The following RFC5 variants were observed in gnomAD, a reference collection of about 807,000 sequenced individuals.
RFC5 encodes the protein replication factor C subunit 5.
A neutral mutation model predicts 44.3 loss-of-function variants in RFC5; 26 were observed. That is an observed-to-expected ratio of 0.59 (90% CI 0.43 to 0.81). RFC5 has a LOEUF of 0.81. Among genes scored for constraint, RFC5 ranks in the 40% least tolerant of loss-of-function variants. RFC5 has a pLI of 0.00. For synonymous variants in RFC5, 155 were observed against 155.2 expected (o/e 1.00, Z 0.01); for missense variants, 328 against 418.6 (o/e 0.78, Z 1.89).
chr12:118,033,182 G>A (rs1285436650), downstream of RFC5: 1 of 152,176 alleles, frequency 6.6e-6, no homozygotes, highest in African/African-American at 2.4e-5. Context: ...CACTGAAGGA[G>A]AACAGTACTT....
intron 1 of RFC5, chr12:118,018,026 A>T (rs781468709): frequency 1.4e-6 from 1 of 701,754 alleles, no homozygotes; most frequent in South Asian, 1.5e-5. Context: ...CTTTCTATCT[A>T]TGGATTTGCC....
In RFC5 at chr12:118,022,805, A is replaced by C. The variant is rs5745829; in HGVS notation, c.421+446A>C. ...TTACAGGAGAATTAGGATGTGAGAT[A>C]TGGCTTGGCTTGTTTTCAGTTTTCA... is the stretch of plus-strand genomic sequence containing the variant. On this transcript the variant is annotated intron_variant, in intron 5 of 10. Coordinates refer to ENST00000454402, the MANE Select transcript of RFC5 (RefSeq NM_007370.7). 5.8e-4 allele frequency among the ~76,000 whole-genome samples: 89 copies of C among 152,250 alleles called. 1 individual carries two copies. The East Asian group carries it at 0.014, about 24-fold the overall frequency.
At chr12:118,033,042 T>A (rs2137754579), downstream of RFC5, 1 of 152,318 alleles carries the variant, frequency 6.6e-6, no homozygotes, top group East Asian at 1.9e-4. Context: ...TACACTGGCC[T>A]CCATAAAGCA....
Position 118,026,906 on chromosome 12 carries a change from TG to T in RFC5, c.684del (p.Lys229ArgfsTer2). On this transcript the variant is annotated frameshift_variant, in exon 8 of 11. Transcript: ENST00000454402. LOFTEE classifies it high-confidence loss of function. ...NILQSTNMAFGKVTEETVYTC... is the reference protein window; with the variant it reads ...NILQSTNMAFXKVTEETVYTC... The stretch of plus-strand genomic sequence containing the variant: ...CTACACAGAGCACCAATATGGCCTT[TG>T]GGAAGGTGACAGAGGAGACTGTCTA... The T allele has an allele frequency of 6.2e-7, 1 of 1,614,032 alleles. No individual in the cohort carries two copies. The highest frequency in any genetic ancestry group is 1.7e-4 in the Middle Eastern group (1 of 6,060).
chr12:118,019,459 G>A lies in RFC5; in HGVS notation c.131-173G>A, dbSNP rs2030333600. Among the ~76,000 whole-genome samples the A allele has an allele frequency of 6.6e-6, 1 of 152,206 alleles. No individual in the cohort carries two copies. The highest frequency in any genetic ancestry group is 1.5e-5 in the Non-Finnish European group (1 of 68,040). ...ACTTGTTGACTGGCTGCGCTATTGA[G>A]TGAATTCCAGTTGTTCCACGAAAGT... On this transcript the variant is annotated intron_variant, in intron 2 of 10. Coordinates refer to ENST00000454402, the MANE Select transcript of RFC5 (RefSeq NM_007370.7). This position sits in a 1 kb window ranked among gnomAD's most constrained non-coding sequence, Gnocchi z 4.2.
At chr12:118,037,441 C>T (rs967359901), downstream of RFC5, among the ~76,000 whole-genome samples, 3 of 151,878 alleles carry the variant, frequency 2.0e-5, no homozygotes, top group African/African-American at 7.3e-5. Flanking sequence ...CCCAGGCGGG[C>T]GGATCACCTG....
At position 118,029,819 on chromosome 12, in the gene RFC5, A is replaced by G; in HGVS notation, c.920A>G (p.Asp307Gly). 1 of 1,601,122 alleles carries G rather than the reference A, an allele frequency of 6.2e-7. No individual in the cohort carries two copies. Among genetic ancestry groups the G allele is most frequent in the Non-Finnish European group, 8.6e-7 (1 of 1,168,206 alleles). ...VRIHLLTKMA[D>G]IEYRLSVGTN... is the part of the protein sequence containing the mutation. ...ATACATTTATTGACCAAAATGGCAG[A>G]CATTGAGTGAGTACTTCTTGCCCCA... Residue 307 changes from aspartate (D) to glycine (G), a missense_variant, in exon 10 of 11, where the codon GAC (aspartate) becomes GGC (glycine). Physicochemically the swap from Asp to Gly is moderately conservative, Grantham distance 94. Coordinates refer to ENST00000454402, the MANE Select transcript of RFC5 (RefSeq NM_007370.7).
chr12:118,027,093 A>C, intron 8 of RFC5, 75 bp downstream of exon 8: 2 of 1,470,280 alleles, frequency 1.4e-6, no homozygotes, highest in Non-Finnish European at 1.9e-6. Context: ...GCCAGCACCC[A>C]CACCTTGCTG....
At chr12:118,030,612 G>A (rs577216460) in intron 10 of RFC5, among the ~76,000 whole-genome samples, 123 of 152,272 alleles carry the variant, frequency 8.1e-4, no homozygotes, top group African/African-American at 2.7e-3. Context: ...ACAAAGTTAA[G>A]TTCAGAACAC....
intron 9 of RFC5, among the ~76,000 whole-genome samples, chr12:118,028,734 A>T (rs773768769): frequency 6.6e-6 from 1 of 152,200 alleles, no homozygotes; most frequent in Non-Finnish European, 1.5e-5. Flanking sequence ...TGTAAACCAA[A>T]GCAGGCTTAA....
At chr12:118,032,699 T>TTTA (rs2031388291), downstream of RFC5, 1 of 120,542 alleles carries the variant, frequency 8.3e-6, no homozygotes, top group African/African-American at 4.1e-5. Flanking sequence ...TTTTTGGCTA[T>TTTA]TTATTTATTT....
chr12:118,031,212 G>A lies in RFC5; in HGVS notation c.957G>A (p.Lys319=). The change falls in exon 11 of 11, where the codon AAG becomes AAA. Residue 319 remains lysine (K), a synonymous_variant. Coordinates refer to ENST00000454402, the MANE Select transcript of RFC5 (RefSeq NM_007370.7). ...EYRLSVGTNE[K]IQLSSLIAAF... is the part of the protein sequence containing the mutation. Reference sequence around the variant, plus strand: ...GGCTTTCTGTTGGCACCAACGAGAAGATCCAGCTGAGCTCCCTCATTGCTG... The same window carrying A: ...GGCTTTCTGTTGGCACCAACGAGAAAATCCAGCTGAGCTCCCTCATTGCTG... 1.2e-6 allele frequency: 2 copies of A among 1,614,048 alleles called. No homozygotes were observed. Among genetic ancestry groups the A allele is most frequent in the Non-Finnish European group, 1.7e-6 (2 of 1,179,944 alleles).
At chr12:118,038,063 C>T (rs1372724864), downstream of RFC5, 1 of 402,958 alleles carries the variant, frequency 2.5e-6, no homozygotes, top group Non-Finnish European at 4.4e-6. Context: ...TAAAGGGAAA[C>T]AGCCCTCTGA....
Position 118,028,008 on chromosome 12 carries a change from G to C in RFC5, c.849G>C (p.Glu283Asp). The change falls in exon 9 of 11, where the codon GAG becomes GAC. Residue 283 changes from glutamate to aspartate, a missense_variant. By Grantham distance (45) the Glu-to-Asp change is conservative. Transcript: ENST00000454402. Reference sequence around the variant, plus strand: ...TGGCACTGCATGATATCCTGACAGAGATACACTTGTTTGTGCATAGAGGTA... The same window carrying C: ...TGGCACTGCATGATATCCTGACAGACATACACTTGTTTGTGCATAGAGGTA... ...KGLALHDILT[E>D]IHLFVHRVDF... 1.2e-6 allele frequency: 2 copies of C among 1,608,608 alleles called. No homozygotes were observed. The highest frequency in any genetic ancestry group is 1.3e-5 in the African/African-American group (1 of 74,916).
chr12:118,031,046 A>G (rs746309257), intron 10 of RFC5, 136 bp from the exon 11 acceptor site: 6 of 608,616 alleles, frequency 9.9e-6, no homozygotes, highest in Non-Finnish European at 1.8e-5. Context: ...CAAGATTGCC[A>G]TCCAGGGCAC....
chr12:118,022,465 GT>G lies in RFC5; in HGVS notation c.421+115del, dbSNP rs959143622. 850 of 788,442 alleles carry G rather than the reference GT, an allele frequency of 1.1e-3. 4 individuals carry two copies. Among genetic ancestry groups the G allele is most frequent in the Non-Finnish European group, 1.5e-3 (710 of 475,090 alleles). 48.8% of individuals were successfully genotyped at this position (788,442 alleles called of 1,614,324 possible). A position where few individuals can be genotyped will look rare whatever the true frequency, so the allele number is the denominator to read the frequency against. ...TCATTGTTTTTTTAGGCGGGGGGGA[GT>G]TTTTTTTTCTTTTTTTGAGTCAGAG... is the stretch of plus-strand genomic sequence containing the variant. On this transcript the variant is annotated intron_variant, in intron 5 of 10. Coordinates refer to ENST00000454402, the MANE Select transcript of RFC5 (RefSeq NM_007370.7).
rs1263620070 is a variant in RFC5, at chr12:118,022,288, A to G, written c.350A>G (p.Lys117Arg). Residue 117 changes from lysine (K) to arginine (R), a missense_variant and splice_region_variant, in exon 5 of 11, where the codon AAA (lysine) becomes AGA (arginine). Transcript: ENST00000454402. ...GACAGCACCATTTGTTTTTCTAGGA[A>G]AGGCTTTAAGCTAGTGATCTTGGAT... ...SFASTRTIFKKGFKLVILDEA... is the reference protein window; with the variant it reads ...SFASTRTIFKRGFKLVILDEA... 1 of 1,613,230 alleles carries G rather than the reference A, an allele frequency of 6.2e-7. No individual in the cohort carries two copies. Among genetic ancestry groups the G allele is most frequent in the Non-Finnish European group, 8.5e-7 (1 of 1,179,226 alleles).
Position 118,019,819 on chromosome 12 carries a change from T to C in RFC5, c.267+51T>C. On this transcript the variant is annotated intron_variant, in intron 3 of 10. Coordinates refer to ENST00000454402, the MANE Select transcript of RFC5 (RefSeq NM_007370.7). This position sits in a 1 kb window ranked among gnomAD's most constrained non-coding sequence, Gnocchi z 4.2. ...AAATAACTTAAGAGACTCCAGTCTC[T>C]TAATTTCAGTTCTGCTGGTTTTATT... 1.4e-6 allele frequency: 2 copies of C among 1,446,072 alleles called. No homozygotes were observed. Among genetic ancestry groups the C allele is most frequent in the South Asian group, 1.2e-5 (1 of 82,876 alleles). 89.6% of individuals were successfully genotyped at this position (1,446,072 alleles called of 1,614,324 possible). A position where few individuals can be genotyped will look rare whatever the true frequency, so the allele number is the denominator to read the frequency against.
chr12:118,040,021 A>G, the RFC5 span, among the ~76,000 whole-genome samples: 3 of 151,934 alleles, frequency 2.0e-5, no homozygotes, highest in African/African-American at 7.3e-5. Flanking sequence ...GCTTTAATTA[A>G]TATTTTTAAA....
Sources: allele counts gnomAD v4.1 joint callset (sites outside exome capture counted in the v4.1 genomes callset), GRCh38; gene constraint gnomAD v4.1.1; non-coding constraint Gnocchi (gnomAD v3.1); transcripts MANE v1.5; gene names NCBI Gene and HGNC (gene_info 2026-07-23, HGNC 2026-07-21).